IMMP2L: variants seen among roughly 807,000 people sequenced by gnomAD.
IMMP2L encodes the protein inner mitochondrial membrane peptidase subunit 2, also known as mitochondrial inner membrane protease subunit 2.
IMMP2L carries 18 observed loss-of-function variants against 19.3 expected under a neutral mutation model. The ratio of observed to expected loss-of-function variants is 0.93; its 90% CI spans 0.64 to 1.38. IMMP2L has a LOEUF of 1.38. Among genes scored for constraint, IMMP2L ranks in the 40% most tolerant of loss-of-function variants. The probability of loss-of-function intolerance (pLI) is 0.00; values close to 1 mark genes in which losing one functional copy is unlikely to be tolerated. For synonymous variants in IMMP2L, 76 were observed against 73.0 expected, an observed-to-expected ratio of 1.04 and a Z score of -0.21; for missense variants, 233 against 218.2, an observed-to-expected ratio of 1.07 and a Z score of -0.43.
intron 5 of IMMP2L, among the ~76,000 whole-genome samples, chr7:110,762,662 T>C (rs757036321): frequency 4.6e-5 from 7 of 152,188 alleles, no homozygotes; most frequent in Admixed American, 2.6e-4. Context: ...GGCAGGCTGC[T>C]AGGAATGGAC....
intron 1 of IMMP2L, among the ~76,000 whole-genome samples, chr7:111,557,935 A>G (rs1212516098): frequency 6.6e-6 from 1 of 152,122 alleles, no homozygotes; most frequent in Non-Finnish European, 1.5e-5. Flanking sequence ...AGATCTTAAG[A>G]ACGTACAGAC....
intron 3 of IMMP2L, among the ~76,000 whole-genome samples, chr7:111,262,105 A>G (rs1210685596): frequency 6.6e-6 from 1 of 152,158 alleles, no homozygotes; most frequent in African/African-American, 2.4e-5. Context: ...AGTAGAACCT[A>G]CTATGGCTGG....
chr7:110,695,079 AT>A (rs1331520891), intron 5 of IMMP2L, among the ~76,000 whole-genome samples: 2 of 152,112 alleles, frequency 1.3e-5, no homozygotes, highest in Non-Finnish European at 2.9e-5. Flanking sequence ...ATGGGGAGTA[AT>A]TTGTTAACAG....
At chr7:111,527,971 G>T (rs1433385025) in intron 1 of IMMP2L, among the ~76,000 whole-genome samples, 1 of 152,084 alleles carries the variant, frequency 6.6e-6, no homozygotes, top group African/African-American at 2.4e-5. Flanking sequence ...GCTCAATTCA[G>T]TCCTGTTTTA....
intron 3 of IMMP2L, among the ~76,000 whole-genome samples, chr7:111,444,892 T>A (rs1210982799): frequency 6.6e-6 from 1 of 152,074 alleles, no homozygotes; most frequent in East Asian, 1.9e-4. Flanking sequence ...CAGCATAATA[T>A]CTATTGGAGA....
chr7:110,848,220 T>A (rs191846552), intron 5 of IMMP2L, among the ~76,000 whole-genome samples: 1 of 152,224 alleles, frequency 6.6e-6, no homozygotes, highest in East Asian at 1.9e-4. Flanking sequence ...ACAATAAGAA[T>A]ATAAATCACC....
At chr7:111,302,775 TATAGTTTA>T (rs1822407552) in intron 3 of IMMP2L, among the ~76,000 whole-genome samples, 1 of 152,134 alleles carries the variant, frequency 6.6e-6, no homozygotes. Flanking sequence ...TTTGGTGACT[TATAGTTTA>T]AGTTCCAAAG....
intron 3 of IMMP2L, among the ~76,000 whole-genome samples, chr7:111,325,633 T>C (rs2130576204): frequency 6.6e-6 from 1 of 151,836 alleles, no homozygotes; most frequent in South Asian, 2.1e-4. Context: ...ATGTAATTAT[T>C]TGTGTCTCTG....
chr7:111,214,723 G>A (rs1161615230), intron 3 of IMMP2L, among the ~76,000 whole-genome samples: 4 of 149,858 alleles, frequency 2.7e-5, no homozygotes, highest in Non-Finnish European at 5.9e-5. Flanking sequence ...TCAGCATCTT[G>A]TTCAACATTT....
At chr7:111,031,938 T>C (rs534965199) in intron 3 of IMMP2L, among the ~76,000 whole-genome samples, 2 of 144,718 alleles carry the variant, frequency 1.4e-5, no homozygotes, top group Admixed American at 6.9e-5. Context: ...CCAGAGATTT[T>C]TTTTTTTTTT....
intron 2 of IMMP2L, among the ~76,000 whole-genome samples, chr7:111,507,817 A>G (rs1845073355): frequency 6.6e-6 from 1 of 152,128 alleles, no homozygotes; most frequent in Non-Finnish European, 1.5e-5. Flanking sequence ...CTTCATTGAC[A>G]TGTCAGGCAC....
At chr7:111,180,086 C>T (rs890146356) in intron 3 of IMMP2L, among the ~76,000 whole-genome samples, 7 of 151,984 alleles carry the variant, frequency 4.6e-5, no homozygotes, top group African/African-American at 1.5e-4. Flanking sequence ...AATAAGACTG[C>T]TTTAGTTTGT....
At chr7:111,185,327 C>T (rs1051022716) in intron 3 of IMMP2L, among the ~76,000 whole-genome samples, 6 of 152,168 alleles carry the variant, frequency 3.9e-5, no homozygotes, top group African/African-American at 1.2e-4. Context: ...TGAGACCCTC[C>T]ATGGACACCA....
chr7:111,156,622 C>T (rs1048247888), intron 3 of IMMP2L, among the ~76,000 whole-genome samples: 1 of 152,026 alleles, frequency 6.6e-6, no homozygotes, highest in African/African-American at 2.4e-5. Context: ...TTTCTTTTAG[C>T]TTTGAAATGT....
At chr7:111,445,731 G>C (rs941879315) in intron 3 of IMMP2L, among the ~76,000 whole-genome samples, 1 of 151,998 alleles carries the variant, frequency 6.6e-6, no homozygotes, top group Admixed American at 6.6e-5. Flanking sequence ...GAACAGCTCC[G>C]GTCTACAGCT....
At chr7:111,271,205 G>A (rs757832442) in intron 3 of IMMP2L, among the ~76,000 whole-genome samples, 2 of 152,048 alleles carry the variant, frequency 1.3e-5, no homozygotes, top group African/African-American at 2.4e-5. Context: ...GAGGAAGGAC[G>A]TGTTTGCTTC....
At chr7:110,687,849 G>C (rs937249820) in intron 5 of IMMP2L, among the ~76,000 whole-genome samples, 1 of 151,848 alleles carries the variant, frequency 6.6e-6, no homozygotes, top group Non-Finnish European at 1.5e-5. Flanking sequence ...TCAAGAGGTG[G>C]AGTCTATTTC....
intron 3 of IMMP2L, among the ~76,000 whole-genome samples, chr7:111,463,134 G>A (rs752080624): frequency 6.6e-6 from 1 of 151,940 alleles, no homozygotes; most frequent in African/African-American, 2.4e-5. Flanking sequence ...TCCTTGACTT[G>A]CACATGGCCA....
chr7:111,489,593 T>G (rs189861701), intron 2 of IMMP2L, among the ~76,000 whole-genome samples: 98 of 152,254 alleles, frequency 6.4e-4, no homozygotes, highest in African/African-American at 2.1e-3. Context: ...TTGTTAAAGA[T>G]TCCTGGGATT....
Sources: gnomAD v4.1 joint callset for allele counts (sites outside exome capture counted in the v4.1 genomes callset) on GRCh38, gnomAD v4.1.1 for gene constraint, MANE v1.5 for transcripts, NCBI Gene and HGNC (gene_info 2026-07-23, HGNC 2026-07-21) for gene names.